Variants in TBC1D19 observed in about 807,000 individuals in gnomAD.
The protein encoded by TBC1D19 is TBC1 domain family member 19.
TBC1D19 carries 60 observed loss-of-function variants against 89.0 expected under a neutral mutation model. That is an observed-to-expected ratio of 0.67 (90% CI 0.55 to 0.84). The LOEUF (loss-of-function observed/expected upper bound fraction) is 0.84. Among genes scored for constraint, TBC1D19 ranks in the 40% least tolerant of loss-of-function variants. The pLI is 0.00. For missense variants in TBC1D19, 500 were observed against 610.8 expected (o/e 0.82, Z 1.91); for synonymous variants, 189 against 199.7 (o/e 0.95, Z 0.45).
intron 13 of TBC1D19, among the ~76,000 whole-genome samples, chr4:26,693,266 C>T (rs867406992): frequency 6.6e-6 from 1 of 152,124 alleles, no homozygotes; most frequent in Non-Finnish European, 1.5e-5. Flanking sequence ...AACCAAGTCA[C>T]TAAACAAATA....
the TBC1D19 span, among the ~76,000 whole-genome samples, chr4:26,766,336 C>G: frequency 0.014 from 2,126 of 152,260 alleles, 55 homozygotes; most frequent in African/African-American, 0.049. Context: ...GGAACAGGAA[C>G]TATACTCTCC....
intron 4 of TBC1D19, among the ~76,000 whole-genome samples, chr4:26,630,078 A>T (rs966527262): frequency 6.6e-6 from 1 of 151,668 alleles, no homozygotes; most frequent in African/African-American, 2.4e-5. Context: ...TGTTTAATAT[A>T]TGGTTTAAAA....
intron 4 of TBC1D19, among the ~76,000 whole-genome samples, chr4:26,634,901 T>G (rs1406647056): frequency 1.3e-5 from 2 of 152,134 alleles, no homozygotes; most frequent in African/African-American, 2.4e-5. Flanking sequence ...CCCATACAGT[T>G]CAAGCCTATG....
the TBC1D19 span, among the ~76,000 whole-genome samples, chr4:26,775,170 G>C: frequency 1.3e-5 from 2 of 152,172 alleles, no homozygotes; most frequent in Non-Finnish European, 2.9e-5. Flanking sequence ...TTAATTGCCA[G>C]GCCAGATGCA....
At chr4:26,686,072 G>A (rs1223063004) in intron 12 of TBC1D19, among the ~76,000 whole-genome samples, 1 of 152,020 alleles carries the variant, frequency 6.6e-6, no homozygotes, top group Non-Finnish European at 1.5e-5. Context: ...GACTTAGTTG[G>A]GCTCTGCCAA....
chr4:26,669,368 A>C (rs1274154777), intron 9 of TBC1D19, among the ~76,000 whole-genome samples: 2 of 151,772 alleles, frequency 1.3e-5, no homozygotes, highest in African/African-American at 4.8e-5. Context: ...GACTATGAGA[A>C]GTCTTAACTA....
chr4:26,693,501 C>T (rs1341338217), intron 13 of TBC1D19, among the ~76,000 whole-genome samples: 1 of 151,882 alleles, frequency 6.6e-6, no homozygotes, highest in Non-Finnish European at 1.5e-5. Context: ...TGGGACCAGC[C>T]CAGGCAACAT....
At chr4:26,746,024 G>A (rs962544698) in intron 18 of TBC1D19, among the ~76,000 whole-genome samples, 1 of 152,084 alleles carries the variant, frequency 6.6e-6, no homozygotes, top group Non-Finnish European at 1.5e-5. Flanking sequence ...TTGGGTGTTT[G>A]CTAAGCTTGA....
chr4:26,856,402 T>C, the TBC1D19 span, among the ~76,000 whole-genome samples: 4 of 152,206 alleles, frequency 2.6e-5, no homozygotes, highest in Non-Finnish European at 5.9e-5. Context: ...TTTGCTTCCA[T>C]ATCTTGGCTA....
At chr4:26,687,618 TATC>T (rs1003648850) in intron 12 of TBC1D19, among the ~76,000 whole-genome samples, 1 of 152,156 alleles carries the variant, frequency 6.6e-6, no homozygotes, top group Non-Finnish European at 1.5e-5. Flanking sequence ...TTAATAATTT[TATC>T]ATATTTATTT....
chr4:26,585,545 A>T (rs550000767), intron 1 of TBC1D19, among the ~76,000 whole-genome samples: 1 of 151,342 alleles, frequency 6.6e-6, no homozygotes, highest in Admixed American at 6.6e-5. Context: ...GTAAGTCTTT[A>T]TCAGATGTGC....
the TBC1D19 span, among the ~76,000 whole-genome samples, chr4:26,852,050 T>A: frequency 2.0e-5 from 3 of 152,262 alleles, no homozygotes; most frequent in African/African-American, 7.2e-5. Flanking sequence ...ATCCAATTAC[T>A]TACTGATGTT....
chr4:26,699,946 G>A (rs1222392963), intron 13 of TBC1D19, among the ~76,000 whole-genome samples: 1 of 151,840 alleles, frequency 6.6e-6, no homozygotes, highest in East Asian at 1.9e-4. Flanking sequence ...AAACCAACAT[G>A]GCACATGTAT....
At chr4:26,610,770 A>G (rs1328911165) in intron 1 of TBC1D19, among the ~76,000 whole-genome samples, 3 of 151,710 alleles carry the variant, frequency 2.0e-5, no homozygotes, top group Non-Finnish European at 4.4e-5. Flanking sequence ...ATGTTGCTAG[A>G]CGTGATCTCG....
the TBC1D19 span, among the ~76,000 whole-genome samples, chr4:26,841,344 C>G: frequency 2.0e-4 from 30 of 151,402 alleles, no homozygotes; most frequent in African/African-American, 7.3e-4. Flanking sequence ...TGAGATCACC[C>G]CACTGCACTC....
intron 1 of TBC1D19, 68 bp from the exon 2 acceptor site, chr4:26,613,101 C>A: frequency 8.9e-7 from 1 of 1,123,732 alleles, no homozygotes; most frequent in South Asian, 1.5e-5. Flanking sequence ...AAATATCAAC[C>A]CAAATGATTT....
intron 11 of TBC1D19, among the ~76,000 whole-genome samples, chr4:26,680,360 T>TA (rs948454895): frequency 1.6e-4 from 25 of 152,252 alleles, no homozygotes; most frequent in African/African-American, 6.0e-4. Context: ...CATCTACTTT[T>TA]AAAAAAAATC....
intron 1 of TBC1D19, among the ~76,000 whole-genome samples, chr4:26,609,787 A>G (rs1741247016): frequency 6.6e-6 from 1 of 152,136 alleles, no homozygotes; most frequent in African/African-American, 2.4e-5. Context: ...AGATTGGAAA[A>G]GGGAAAAATT....
intron 7 of TBC1D19, among the ~76,000 whole-genome samples, chr4:26,642,584 A>T (rs1327590009): frequency 6.6e-6 from 1 of 152,220 alleles, no homozygotes; most frequent in Non-Finnish European, 1.5e-5. Flanking sequence ...TAACAATATT[A>T]ACCTTAAATG....
Sources: allele counts gnomAD v4.1 joint callset (sites outside exome capture counted in the v4.1 genomes callset), GRCh38; gene constraint gnomAD v4.1.1; transcripts MANE v1.5; gene names NCBI Gene and HGNC (gene_info 2026-07-23, HGNC 2026-07-21).